KLHL1: variants seen among roughly 807,000 people sequenced by gnomAD.
KLHL1 encodes the protein kelch like family member 1, also known as kelch-like protein 1.
KLHL1 carries 47 observed loss-of-function variants against 77.7 expected under a neutral mutation model. The observed-to-expected ratio is 0.60, with a 90% CI of 0.48 to 0.77. The LOEUF is 0.77. KLHL1 is among the 30% of genes least tolerant of loss of function. KLHL1 has a pLI of 0.00. For missense variants in KLHL1, 925 were observed against 910.8 expected (o/e 1.02, Z -0.20); for synonymous variants, 360 against 325.2 (o/e 1.11, Z -1.15).
At chr13:70,020,056 C>T (rs1304426907) in intron 1 of KLHL1, among the ~76,000 whole-genome samples, 1 of 152,114 alleles carries the variant, frequency 6.6e-6, no homozygotes, top group Non-Finnish European at 1.5e-5. Flanking sequence ...ATGCCATATG[C>T]CATCACCTTG....
At chr13:69,871,503 C>A (rs909624196) in intron 5 of KLHL1, among the ~76,000 whole-genome samples, 1 of 152,166 alleles carries the variant, frequency 6.6e-6, no homozygotes, top group Non-Finnish European at 1.5e-5. Flanking sequence ...ACCACATGAC[C>A]AGGCTCAAAT....
At chr13:69,884,833 T>G (rs779202385) in intron 4 of KLHL1, among the ~76,000 whole-genome samples, 18 of 152,184 alleles carry the variant, frequency 1.2e-4, no homozygotes, top group Non-Finnish European at 2.5e-4. Context: ...AGAGTCAAAT[T>G]GAAATCTATC....
At chr13:70,080,384 T>C (rs1158403661) in intron 1 of KLHL1, among the ~76,000 whole-genome samples, 1 of 152,154 alleles carries the variant, frequency 6.6e-6, no homozygotes, top group Non-Finnish European at 1.5e-5. Flanking sequence ...AGAGGAACGA[T>C]CTTTAAAATT....
chr13:69,866,279 C>T lies in KLHL1; in HGVS notation c.1227+16004G>A, dbSNP rs528542182. 2.6e-5 allele frequency among the ~76,000 whole-genome samples: 4 copies of T among 152,156 alleles called. No individual in the cohort carries two copies. In the South Asian group the frequency reaches 6.2e-4, roughly 24 times the overall value. On this transcript the variant is annotated intron_variant, in intron 5 of 10. Transcript: ENST00000377844. ...ACTCTATTTCCAGGTCTTTTCAGGT[C>T]GGCTTATTGAATTCACTGAATATCT...
At chr13:69,910,940 T>C (rs968453646) in intron 4 of KLHL1, among the ~76,000 whole-genome samples, 1 of 152,100 alleles carries the variant, frequency 6.6e-6, no homozygotes, top group Admixed American at 6.6e-5. Flanking sequence ...TTTACTACCA[T>C]TGTACAACAT....
At chr13:69,783,951 A>T (rs1876370161) in intron 7 of KLHL1, among the ~76,000 whole-genome samples, 2 of 152,138 alleles carry the variant, frequency 1.3e-5, no homozygotes, top group Admixed American at 1.3e-4. Context: ...CGGGTTACCC[A>T]CAAAGGGAAG....
intron 1 of KLHL1, among the ~76,000 whole-genome samples, chr13:69,982,575 A>G (rs898751869): frequency 2.0e-5 from 3 of 151,312 alleles, no homozygotes; most frequent in Non-Finnish European, 4.4e-5. Flanking sequence ...GAAAGAATCT[A>G]CCAAACAACC....
intron 4 of KLHL1, among the ~76,000 whole-genome samples, chr13:69,937,205 T>C (rs1203152150): frequency 6.6e-6 from 1 of 152,194 alleles, no homozygotes; most frequent in African/African-American, 2.4e-5. Flanking sequence ...TTTCTGCCCA[T>C]CTTTACCCAA....
At chr13:69,926,833 G>C (rs879798383) in intron 4 of KLHL1, among the ~76,000 whole-genome samples, 2 of 148,442 alleles carry the variant, frequency 1.3e-5, no homozygotes, top group Non-Finnish European at 3.0e-5. Flanking sequence ...TGTAGTCCCA[G>C]TTACTTGGGA....
intron 1 of KLHL1, among the ~76,000 whole-genome samples, chr13:70,020,724 C>T (rs1292467128): frequency 1.3e-5 from 2 of 151,976 alleles, no homozygotes; most frequent in African/African-American, 2.4e-5. Context: ...TTTACATATA[C>T]TGAAGTGACA....
intron 3 of KLHL1, among the ~76,000 whole-genome samples, chr13:69,947,171 C>T (rs1883559438): frequency 1.3e-5 from 2 of 151,714 alleles, no homozygotes; most frequent in Admixed American, 1.3e-4. Context: ...CTATTATACT[C>T]TCTTCCTTTA....
At chr13:70,077,585 AT>A (rs990336014) in intron 1 of KLHL1, among the ~76,000 whole-genome samples, 25 of 152,144 alleles carry the variant, frequency 1.6e-4, no homozygotes, top group African/African-American at 6.0e-4. Context: ...AAACCCATAG[AT>A]TTTGGATAAT....
At chr13:70,101,575 C>T (rs554876832) in intron 1 of KLHL1, among the ~76,000 whole-genome samples, 1 of 152,126 alleles carries the variant, frequency 6.6e-6, no homozygotes, top group East Asian at 1.9e-4. Context: ...ATTACAGGCA[C>T]TTGCCACCAC....
At chr13:69,942,659 AT>A (rs1883403331) in intron 3 of KLHL1, among the ~76,000 whole-genome samples, 1 of 152,060 alleles carries the variant, frequency 6.6e-6, no homozygotes, top group African/African-American at 2.4e-5. Context: ...CAGTGTTAAC[AT>A]TTTGCTATAT....
At chr13:70,022,366 T>A (rs1408018680) in intron 1 of KLHL1, among the ~76,000 whole-genome samples, 1 of 151,818 alleles carries the variant, frequency 6.6e-6, no homozygotes, top group East Asian at 1.9e-4. Flanking sequence ...TGTTTTCTTT[T>A]TGTCACAACT....
At position 69,701,677 on chromosome 13, in the gene KLHL1, T is replaced by A; in HGVS notation, c.*25A>T. 6.4e-7 allele frequency: 1 copy of A among 1,562,096 alleles called. No individual in the cohort carries two copies. On this transcript the variant is annotated 3_prime_UTR_variant, in exon 11 of 11. Transcript: ENST00000377844. ...AAAATAACCACTCCAGCAAGTAAAATCTTTCCAAGTAAAATATCAATAAGT... is the reference window on the plus strand; with the variant it reads ...AAAATAACCACTCCAGCAAGTAAAAACTTTCCAAGTAAAATATCAATAAGT...
chr13:69,731,794 C>A, intron 8 of KLHL1, among the ~76,000 whole-genome samples: 1 of 151,460 alleles, frequency 6.6e-6, no homozygotes. Context: ...CATTTGAGAG[C>A]AGGATTTTGA....
chr13:70,009,067 G>A (rs1007483770), intron 1 of KLHL1, among the ~76,000 whole-genome samples: 25 of 152,058 alleles, frequency 1.6e-4, no homozygotes, highest in African/African-American at 5.8e-4. Context: ...TAATTGGGGG[G>A]TTTTGAAAAA....
intron 4 of KLHL1, among the ~76,000 whole-genome samples, chr13:69,888,265 T>A (rs1163474986): frequency 6.6e-6 from 1 of 152,104 alleles, no homozygotes; most frequent in African/African-American, 2.4e-5. Flanking sequence ...ATAACCACAA[T>A]GGGGATTAGG....
Sources: gnomAD v4.1 joint callset for allele counts (sites outside exome capture counted in the v4.1 genomes callset) on GRCh38, gnomAD v4.1.1 for gene constraint, MANE v1.5 for transcripts, NCBI Gene and HGNC (gene_info 2026-07-23, HGNC 2026-07-21) for gene names.